KCNH7: variants seen among roughly 807,000 people sequenced by gnomAD.
KCNH7 encodes the protein potassium voltage-gated channel subfamily H member 7, also known as voltage-gated inwardly rectifying potassium channel KCNH7.
In KCNH7, 49 loss-of-function variants were observed where a neutral mutation model predicts 120.8. The ratio of observed to expected loss-of-function variants is 0.41; its 90% CI spans 0.32 to 0.51. The LOEUF (loss-of-function observed/expected upper bound fraction) is 0.51, where lower values mean the gene tolerates loss of function less well. Ranked by LOEUF, KCNH7 falls within the 20% of genes least tolerant of loss-of-function variation. The probability of loss-of-function intolerance (pLI) is 0.38; values close to 1 mark genes in which losing one functional copy is unlikely to be tolerated. For missense variants in KCNH7, 1,097 were observed against 1,446.6 expected, an observed-to-expected ratio of 0.76 and a Z score of 3.92; for synonymous variants, 547 against 516.1, an observed-to-expected ratio of 1.06 and a Z score of -0.81.
intron 3 of KCNH7, among the ~76,000 whole-genome samples, chr2:162,522,621 T>C (rs1417780031): frequency 1.3e-5 from 2 of 151,908 alleles, no homozygotes; most frequent in Non-Finnish European, 2.9e-5. Context: ...CAGATTTTAT[T>C]ATATTTGATT....
chr2:162,687,220 T>G (rs1685926102), intron 2 of KCNH7, among the ~76,000 whole-genome samples: 1 of 152,096 alleles, frequency 6.6e-6, no homozygotes, highest in South Asian at 2.1e-4. Flanking sequence ...CGATTTGCGT[T>G]GCCATGTAGT....
At chr2:162,413,211 C>T (rs1687442106) in intron 9 of KCNH7, among the ~76,000 whole-genome samples, 1 of 152,078 alleles carries the variant, frequency 6.6e-6, no homozygotes, top group Non-Finnish European at 1.5e-5. Flanking sequence ...TCACCTTAAC[C>T]TCCACCTCCT....
At chr2:162,785,278 A>T (rs1683655314) in intron 2 of KCNH7, 1 of 152,258 alleles carries the variant, frequency 6.6e-6, no homozygotes, top group South Asian at 2.1e-4. Flanking sequence ...ACCAAGAGAC[A>T]TCAGTCTTTT....
At chr2:162,670,470 C>CAAAAAAAAAAAAAAAAAAAAAAA (rs61610131) in intron 2 of KCNH7, among the ~76,000 whole-genome samples, 1 of 48,244 alleles carries the variant, frequency 2.1e-5, no homozygotes, top group Admixed American at 2.4e-4. Flanking sequence ...CGAACTCTGT[C>CAAAAAAAAAAAAAAAAAAAAAAA]AAAAAAAAAA....
At chr2:162,791,249 C>T (rs573362761) in intron 2 of KCNH7, among the ~76,000 whole-genome samples, 2 of 152,122 alleles carry the variant, frequency 1.3e-5, no homozygotes, top group African/African-American at 4.8e-5. Context: ...ATTGCCTTGT[C>T]TATTTGGGCT....
intron 2 of KCNH7, among the ~76,000 whole-genome samples, chr2:162,716,155 T>C (rs1301450916): frequency 3.3e-5 from 5 of 152,184 alleles, no homozygotes; most frequent in African/African-American, 1.2e-4. Flanking sequence ...CTTCAAGTCC[T>C]TTTCTATGAT....
At chr2:162,686,667 T>C (rs1439171484) in intron 2 of KCNH7, among the ~76,000 whole-genome samples, 1 of 152,144 alleles carries the variant, frequency 6.6e-6, no homozygotes, top group Non-Finnish European at 1.5e-5. Flanking sequence ...TCTCTACTTG[T>C]CTCCTTCGAA....
chr2:162,629,173 A>G (rs902719461), intron 2 of KCNH7, among the ~76,000 whole-genome samples: 12 of 151,996 alleles, frequency 7.9e-5, no homozygotes, highest in Non-Finnish European at 1.6e-4. Flanking sequence ...TAAGGGAAAT[A>G]CCCTCATGTA....
intron 12 of KCNH7, among the ~76,000 whole-genome samples, chr2:162,386,565 G>C (rs912397099): frequency 4.6e-5 from 7 of 151,774 alleles, no homozygotes; most frequent in Non-Finnish European, 1.0e-4. Context: ...GGGAACCAGA[G>C]ATATTTGAAT....
At chr2:162,767,209 T>C (rs1401295856) in intron 2 of KCNH7, among the ~76,000 whole-genome samples, 2 of 152,172 alleles carry the variant, frequency 1.3e-5, no homozygotes, top group African/African-American at 4.8e-5. Flanking sequence ...CTAGTATGTT[T>C]AATTGTACAT....
intron 12 of KCNH7, among the ~76,000 whole-genome samples, chr2:162,387,010 C>T (rs990215273): frequency 6.6e-5 from 10 of 151,112 alleles, no homozygotes; most frequent in African/African-American, 9.7e-5. Flanking sequence ...GAGAAAATTA[C>T]TTCATATACA....
intron 9 of KCNH7, among the ~76,000 whole-genome samples, chr2:162,420,329 T>G (rs1462100016): frequency 6.6e-6 from 1 of 152,150 alleles, no homozygotes; most frequent in Non-Finnish European, 1.5e-5. Context: ...TGAGCCTAGA[T>G]GGCACTGCTG....
chr2:162,576,636 T>C lies in KCNH7; in HGVS notation c.308-39556A>G, dbSNP rs73024690. Among the ~76,000 whole-genome samples the C allele has an allele frequency of 2.1e-3, 289 of 137,218 alleles. 1 individual carries two copies. The highest frequency in any genetic ancestry group is 7.7e-3 in the African/African-American group (281 of 36,332). The allele number at this position is 137,218 out of a possible 152,430, so 90.0% of individuals were successfully genotyped here. ...TCCACCTCAACCACAAAAATATTTCTAGTGTTTTGGGTTTTTTGGGGTTTT... is the reference window on the plus strand; with the variant it reads ...TCCACCTCAACCACAAAAATATTTCCAGTGTTTTGGGTTTTTTGGGGTTTT... On this transcript the variant is annotated intron_variant, in intron 2 of 15. Transcript: ENST00000332142.
chr2:162,462,558 A>T (rs1005788204), intron 6 of KCNH7, among the ~76,000 whole-genome samples: 9 of 147,130 alleles, frequency 6.1e-5, no homozygotes, highest in African/African-American at 2.1e-4. Context: ...AGAGAGAGAG[A>T]GAGTCAAAAG....
intron 3 of KCNH7, among the ~76,000 whole-genome samples, chr2:162,523,456 G>T (rs960613779): frequency 6.6e-6 from 1 of 151,716 alleles, no homozygotes; most frequent in Non-Finnish European, 1.5e-5. Context: ...TATTTCCTAT[G>T]GTAATGGGGC....
intron 3 of KCNH7, among the ~76,000 whole-genome samples, chr2:162,533,875 T>C (rs190537595): frequency 6.3e-4 from 96 of 151,722 alleles, no homozygotes; most frequent in African/African-American, 2.2e-3. Context: ...TATCACTTTT[T>C]TTTCATATTC....
At chr2:162,802,515 T>C (rs1684386275) in intron 2 of KCNH7, among the ~76,000 whole-genome samples, 1 of 151,764 alleles carries the variant, frequency 6.6e-6, no homozygotes, top group African/African-American at 2.4e-5. Context: ...CAACTCAGAA[T>C]TGAGTACATT....
At chr2:162,577,524 T>C (rs1246032582) in intron 2 of KCNH7, among the ~76,000 whole-genome samples, 1 of 151,914 alleles carries the variant, frequency 6.6e-6, no homozygotes, top group African/African-American at 2.4e-5. Flanking sequence ...TGGAAGATCT[T>C]GGAACAAAAT....
At chr2:162,791,789 T>C (rs1683955222) in intron 2 of KCNH7, among the ~76,000 whole-genome samples, 1 of 152,136 alleles carries the variant, frequency 6.6e-6, no homozygotes, top group African/African-American at 2.4e-5. Context: ...CCTTGGCTGA[T>C]TGCCCTAGCC....
Sources: gnomAD v4.1 joint callset for allele counts (sites outside exome capture counted in the v4.1 genomes callset) on GRCh38, gnomAD v4.1.1 for gene constraint, MANE v1.5 for transcripts, NCBI Gene and HGNC (gene_info 2026-07-23, HGNC 2026-07-21) for gene names.